The following UBE2T variants were observed in gnomAD, a reference collection of about 807,000 sequenced individuals.
The protein encoded by UBE2T is ubiquitin conjugating enzyme E2 T.
In UBE2T, 15 loss-of-function variants were observed where a neutral mutation model predicts 23.3. That is an observed-to-expected ratio of 0.64 (90% CI 0.43 to 0.99). The LOEUF is 0.99. UBE2T is among the 50% of genes least tolerant of loss of function. UBE2T has a pLI of 0.00. For missense variants in UBE2T, 197 were observed against 234.9 expected, an observed-to-expected ratio of 0.84 and a Z score of 1.05; for synonymous variants, 67 against 78.4, an observed-to-expected ratio of 0.85 and a Z score of 0.77.
rs541692150 is a variant in UBE2T, at chr1:202,334,951, A to C, written c.179+38T>G. ...GCTCTGTCTCCCAATTTATAAATGC[A>C]CTTCACCATGTAGGTTGAGAAGCTG... On this transcript the variant is annotated intron_variant, in intron 3 of 6. Transcript: ENST00000646651. 1.0e-4 allele frequency: 161 copies of C among 1,581,654 alleles called. 2 individuals carry two copies. The South Asian group carries it at 1.5e-3, about 15-fold the overall frequency.
intron 1 of UBE2T, among the ~76,000 whole-genome samples, chr1:202,336,182 G>A (rs1558101474): frequency 1.3e-5 from 2 of 150,608 alleles, no homozygotes; most frequent in Admixed American, 6.6e-5. Context: ...AAAGTGCTGG[G>A]ATTACAGGCG....
At chr1:202,334,817 G>A (rs949750753) in intron 3 of UBE2T, among the ~76,000 whole-genome samples, 172 bp downstream of exon 3, 6 of 152,132 alleles carry the variant, frequency 3.9e-5, no homozygotes, top group African/African-American at 1.4e-4. Context: ...CCATTGTTCT[G>A]GAGAAGGAAA....
chr1:202,341,810 A>G (rs182330237), intron 1 of UBE2T, 85 bp downstream of exon 1: 1 of 152,340 alleles, frequency 6.6e-6, no homozygotes, highest in Non-Finnish European at 1.5e-5. Context: ...TTAGGCGGAA[A>G]CAGGACTCCT....
At chr1:202,337,077 GC>G (rs1375013165) in intron 1 of UBE2T, among the ~76,000 whole-genome samples, 1 of 152,156 alleles carries the variant, frequency 6.6e-6, no homozygotes, top group Non-Finnish European at 1.5e-5. Flanking sequence ...CGAGCAGCTG[GC>G]ATTACAGACG....
chr1:202,331,790 C>A lies in UBE2T; in HGVS notation c.*45G>T. 1 of 1,607,900 alleles carries A rather than the reference C, an allele frequency of 6.2e-7. No individual in the cohort carries two copies. Among genetic ancestry groups the A allele is most frequent in the Non-Finnish European group, 8.5e-7 (1 of 1,177,036 alleles). On this transcript the variant is annotated 3_prime_UTR_variant, in exon 7 of 7. Transcript: ENST00000646651. ...AATTCAAGGTAGGCAACTTAGATCACCTTGGCAAAGAACACATTAACTAAG... is the reference window on the plus strand; with the variant it reads ...AATTCAAGGTAGGCAACTTAGATCAACTTGGCAAAGAACACATTAACTAAG...
At chr1:202,337,328 C>T (rs1381635145) in intron 1 of UBE2T, among the ~76,000 whole-genome samples, 1 of 152,192 alleles carries the variant, frequency 6.6e-6, no homozygotes, top group Non-Finnish European at 1.5e-5. Context: ...TAAACACATA[C>T]TCTTAACATA....
chr1:202,332,068 A>AAGCAG (rs1380647631), intron 6 of UBE2T, 108 bp from the exon 7 acceptor site: 13 of 1,409,690 alleles, frequency 9.2e-6, no homozygotes. Context: ...TGCAAGATTT[A>AAGCAG]AATACAGTAT....
intron 5 of UBE2T, 53 bp from the exon 6 acceptor site, chr1:202,333,146 G>A (rs1227996862): frequency 9.4e-6 from 15 of 1,600,864 alleles, no homozygotes; most frequent in African/African-American, 1.3e-5. Context: ...ATTTGCAGTG[G>A]TTAGAGCTGC....
chr1:202,341,543 A>G (rs1655005187), intron 1 of UBE2T, among the ~76,000 whole-genome samples: 2 of 123,020 alleles, frequency 1.6e-5, no homozygotes, highest in South Asian at 5.8e-4. Context: ...CCGCCACTGC[A>G]CTCCAGCCTG....
chr1:202,340,344 T>C (rs1229098807), intron 1 of UBE2T, among the ~76,000 whole-genome samples: 1 of 151,234 alleles, frequency 6.6e-6, no homozygotes, highest in African/African-American at 2.4e-5. Context: ...GGAAACCCCA[T>C]CTCTATTAAA....
At chr1:202,334,968 G>A (rs1428324690) in intron 3 of UBE2T, 21 bp downstream of exon 3, 16 of 1,607,126 alleles carry the variant, frequency 1.0e-5, no homozygotes, top group Middle Eastern at 3.3e-4. Context: ...CATGTAGGTT[G>A]AGAAGCTGAT....
intron 1 of UBE2T, among the ~76,000 whole-genome samples, chr1:202,339,864 A>G (rs895817720): frequency 3.3e-5 from 5 of 152,000 alleles, no homozygotes; most frequent in Non-Finnish European, 7.4e-5. Context: ...ACAAAGGAGA[A>G]CCCCATCTCT....
In UBE2T at chr1:202,335,867, G is replaced by T; in HGVS notation, c.-64-49C>A. On this transcript the variant is annotated intron_variant, in intron 1 of 6. Transcript: ENST00000646651. This position sits in a 1 kb window ranked among gnomAD's most constrained non-coding sequence, Gnocchi z 4.0. ...TAAAATCATCAGCAATAATGACTAT[G>T]AAGTTTTCAGCAAACAGCTTCAATG... is the stretch of plus-strand genomic sequence containing the variant. 1.1e-6 allele frequency: 1 copy of T among 903,296 alleles called. No homozygotes were observed. 56.0% of individuals were successfully genotyped at this position (903,296 alleles called of 1,614,324 possible).
At chr1:202,332,929 A>AAAAAAAAAAAAAAAAAAAAC (rs1558100015) in intron 6 of UBE2T, 81 bp downstream of exon 6, 4 of 459,002 alleles carry the variant, frequency 8.7e-6, no homozygotes, top group African/African-American at 2.4e-5. Context: ...AAAAAAAAAA[A>AAAAAAAAAAAAAAAAAAAAC]AAAAAAAAAA....
At position 202,335,069 on chromosome 1, in the gene UBE2T, AAAAG is replaced by A. The variant is rs770028655; in HGVS notation, c.110-15_110-12del. 9 of 1,595,274 alleles carry A rather than the reference AAAAG, an allele frequency of 5.6e-6. No individual in the cohort carries two copies. Among genetic ancestry groups the A allele is most frequent in the East Asian group, 2.2e-5 (1 of 44,492 alleles). On this transcript the variant is annotated splice_polypyrimidine_tract_variant and intron_variant, in intron 2 of 6. Coordinates refer to ENST00000646651, the MANE Select transcript of UBE2T (RefSeq NM_014176.4). This position sits in a 1 kb window ranked among gnomAD's most constrained non-coding sequence, Gnocchi z 4.0. ...CTCCACCTAATATTTCTTAAAAGAA[AAAAG>A]AAAGAAAAAGTTAAAAGGGAATCAG... is the stretch of plus-strand genomic sequence containing the variant.
chr1:202,334,251 A>C (rs1162968447), intron 3 of UBE2T, among the ~76,000 whole-genome samples: 11 of 152,188 alleles, frequency 7.2e-5, no homozygotes, highest in Non-Finnish European at 1.5e-5. Context: ...TAACCATAAA[A>C]AGAACGAGAT....
intron 1 of UBE2T, among the ~76,000 whole-genome samples, chr1:202,339,860 G>A (rs1001497068): frequency 1.3e-5 from 2 of 152,038 alleles, no homozygotes; most frequent in African/African-American, 4.8e-5. Flanking sequence ...TGCAACAAAG[G>A]AGAACCCCAT....
Position 202,340,583 on chromosome 1 carries a change from T to C in UBE2T, c.-65+1312A>G, listed in dbSNP as rs184927741. Among the ~76,000 whole-genome samples, 13 of 151,846 alleles carry C rather than the reference T, an allele frequency of 8.6e-5. No individual in the cohort carries two copies. In the East Asian group the frequency reaches 2.5e-3, roughly 29 times the overall value. ...ATATCCCCATCTCTTAAATATAAAG[T>C]ATATGGGAGGACATGCATAGGTTAT... On this transcript the variant is annotated intron_variant, in intron 1 of 6. Transcript: ENST00000646651.
intron 6 of UBE2T, 97 bp from the exon 7 acceptor site, chr1:202,332,057 T>C: frequency 6.8e-7 from 1 of 1,476,054 alleles, no homozygotes; most frequent in East Asian, 2.3e-5. Context: ...TACTTCTTTG[T>C]TGCAAGATTT....
Sources: allele counts gnomAD v4.1 joint callset (sites outside exome capture counted in the v4.1 genomes callset), GRCh38; gene constraint gnomAD v4.1.1; non-coding constraint Gnocchi (gnomAD v3.1); transcripts MANE v1.5; gene names NCBI Gene and HGNC (gene_info 2026-07-23, HGNC 2026-07-21).